COMMD10: variants seen among roughly 807,000 people sequenced by gnomAD.
The protein encoded by COMMD10 is COMM domain containing 10, also known as COMM domain-containing protein 10.
In COMMD10, 33 loss-of-function variants were observed where a neutral mutation model predicts 28.9. That is an observed-to-expected ratio of 1.14 (90% CI 0.87 to 1.53). The LOEUF is 1.53. Among genes scored for constraint, COMMD10 ranks in the 40% most tolerant of loss-of-function variants. The pLI is 0.00. For synonymous variants in COMMD10, 110 were observed against 81.7 expected (o/e 1.35, Z -1.87); for missense variants, 310 against 233.4 (o/e 1.33, Z -2.14).
At chr5:116,249,908 A>G (rs1289412987) in intron 5 of COMMD10, among the ~76,000 whole-genome samples, 2 of 151,990 alleles carry the variant, frequency 1.3e-5, no homozygotes, top group Non-Finnish European at 2.9e-5. Flanking sequence ...TTAATTGTCT[A>G]TGATTCACAT....
At chr5:116,237,118 G>A (rs6880880) in intron 5 of COMMD10, among the ~76,000 whole-genome samples, 15,921 of 151,982 alleles carry the variant, frequency 0.1, 930 homozygotes, top group African/African-American at 0.15. Flanking sequence ...AGAATGTTAC[G>A]GGCAGAGGAT....
chr5:116,114,195 C>T (rs1026031923), intron 4 of COMMD10, among the ~76,000 whole-genome samples: 1 of 152,012 alleles, frequency 6.6e-6, no homozygotes, highest in Non-Finnish European at 1.5e-5. Flanking sequence ...AGGTCTATAT[C>T]TAGGGCAGTG....
chr5:116,286,134 A>G (rs770421016), intron 5 of COMMD10, among the ~76,000 whole-genome samples: 1 of 151,754 alleles, frequency 6.6e-6, no homozygotes, highest in Non-Finnish European at 1.5e-5. Context: ...AGGTTATTCA[A>G]CTTGTTAGCA....
intron 5 of COMMD10, among the ~76,000 whole-genome samples, chr5:116,232,346 T>TAA (rs113622869): frequency 4.6e-4 from 67 of 144,726 alleles, no homozygotes; most frequent in Admixed American, 2.0e-3. Flanking sequence ...ATCACTGTCC[T>TAA]AAAAAAAAAA....
chr5:116,192,521 A>G (rs1038218848), intron 5 of COMMD10, among the ~76,000 whole-genome samples: 1 of 152,168 alleles, frequency 6.6e-6, no homozygotes, highest in Admixed American at 6.5e-5. Flanking sequence ...GAAATGTGAA[A>G]TGCTCTGGAA....
intron 5 of COMMD10, among the ~76,000 whole-genome samples, chr5:116,166,858 A>G (rs1189483378): frequency 6.6e-6 from 1 of 152,142 alleles, no homozygotes; most frequent in Non-Finnish European, 1.5e-5. Context: ...AACATCAAAG[A>G]CCAAAGGTAG....
At chr5:116,242,414 C>T (rs1749836265) in intron 5 of COMMD10, among the ~76,000 whole-genome samples, 1 of 152,122 alleles carries the variant, frequency 6.6e-6, no homozygotes, top group Non-Finnish European at 1.5e-5. Context: ...ATACCAGGCA[C>T]CGTGCAAGTC....
At chr5:116,259,651 A>C (rs1268786438) in intron 5 of COMMD10, among the ~76,000 whole-genome samples, 1 of 151,624 alleles carries the variant, frequency 6.6e-6, no homozygotes, top group Admixed American at 6.6e-5. Context: ...TTCTTGTACT[A>C]TGTAGATTCT....
At chr5:116,106,725 C>G (rs1750852839) in intron 4 of COMMD10, among the ~76,000 whole-genome samples, 1 of 152,130 alleles carries the variant, frequency 6.6e-6, no homozygotes, top group Non-Finnish European at 1.5e-5. Flanking sequence ...GATCCCCTTG[C>G]CATTATGTAA....
At chr5:116,257,750 T>C (rs1444193096) in intron 5 of COMMD10, among the ~76,000 whole-genome samples, 2 of 151,770 alleles carry the variant, frequency 1.3e-5, no homozygotes, top group African/African-American at 4.9e-5. Context: ...AATATTATGG[T>C]GGGTTCAGAT....
intron 5 of COMMD10, among the ~76,000 whole-genome samples, chr5:116,249,395 A>G (rs983835800): frequency 1.3e-5 from 2 of 151,960 alleles, no homozygotes; most frequent in Admixed American, 6.6e-5. Flanking sequence ...ATTTGTTTCA[A>G]TGAAAGATTT....
chr5:116,218,396 A>G (rs1274585985), intron 5 of COMMD10: 9 of 496,934 alleles, frequency 1.8e-5, no homozygotes, highest in Non-Finnish European at 2.9e-5. Flanking sequence ...TCTTGTTCAT[A>G]CTGCTCCAAA....
intron 5 of COMMD10, among the ~76,000 whole-genome samples, chr5:116,275,634 C>T (rs1750888993): frequency 6.6e-6 from 1 of 151,756 alleles, no homozygotes; most frequent in Non-Finnish European, 1.5e-5. Flanking sequence ...TGAAATTAGT[C>T]TCAATATCCA....
intron 5 of COMMD10, among the ~76,000 whole-genome samples, chr5:116,243,957 T>C (rs1008918299): frequency 4.6e-5 from 7 of 152,270 alleles, no homozygotes; most frequent in East Asian, 3.9e-4. Context: ...TCTGAAATCA[T>C]TGAGTCAATG....
intron 5 of COMMD10, among the ~76,000 whole-genome samples, chr5:116,290,608 A>G (rs1415130351): frequency 6.6e-6 from 1 of 151,914 alleles, no homozygotes; most frequent in Non-Finnish European, 1.5e-5. Context: ...GGAAATGACC[A>G]TGTGGCTCAA....
At chr5:116,155,960 TGTTAA>T (rs1018645563) in intron 5 of COMMD10, among the ~76,000 whole-genome samples, 1 of 152,058 alleles carries the variant, frequency 6.6e-6, no homozygotes, top group Non-Finnish European at 1.5e-5. Context: ...TTTTGAGAAG[TGTTAA>T]GTTTATTATA....
At chr5:116,139,253 A>G (rs982268070) in intron 5 of COMMD10, among the ~76,000 whole-genome samples, 1 of 151,722 alleles carries the variant, frequency 6.6e-6, no homozygotes, top group African/African-American at 2.4e-5. Flanking sequence ...ACAATTTTAC[A>G]TTTTTAGTCA....
intron 5 of COMMD10, among the ~76,000 whole-genome samples, chr5:116,185,558 G>A (rs1390797962): frequency 1.3e-5 from 2 of 151,896 alleles, no homozygotes; most frequent in Non-Finnish European, 2.9e-5. Context: ...GGGAGTTAGG[G>A]TGGGGAAGTA....
chr5:116,109,691 C>G (rs2112734701), intron 4 of COMMD10, among the ~76,000 whole-genome samples: 1 of 152,268 alleles, frequency 6.6e-6, no homozygotes, highest in Admixed American at 6.5e-5. Context: ...TAGATTGTTA[C>G]TGGTGTAAGA....
Sources: gnomAD v4.1 joint callset for allele counts (sites outside exome capture counted in the v4.1 genomes callset) on GRCh38, gnomAD v4.1.1 for gene constraint, MANE v1.5 for transcripts, NCBI Gene and HGNC (gene_info 2026-07-23, HGNC 2026-07-21) for gene names.